The following STRN4 variants were observed in gnomAD, a reference collection of about 807,000 sequenced individuals.
The protein encoded by STRN4 is striatin-4.
A neutral mutation model predicts 77.9 loss-of-function variants in STRN4; 27 were observed. The ratio of observed to expected loss-of-function variants is 0.35; its 90% CI spans 0.26 to 0.48. The LOEUF (loss-of-function observed/expected upper bound fraction) is 0.48. Among genes scored for constraint, STRN4 ranks in the 20% least tolerant of loss-of-function variants. The pLI is 0.99. For missense variants in STRN4, 798 were observed against 1,049.7 expected, an observed-to-expected ratio of 0.76 and a Z score of 3.31; for synonymous variants, 466 against 443.1, an observed-to-expected ratio of 1.05 and a Z score of -0.65.
At chr19:46,745,931 C>T in intron 1 of STRN4, 1 of 473,306 alleles carries the variant, frequency 2.1e-6, no homozygotes, top group Admixed American at 4.7e-5. Context: ...CCTCCACTCC[C>T]ACCTCGGGCC....
chr19:46,739,978 CA>C (rs1393887946), intron 1 of STRN4, among the ~76,000 whole-genome samples: 1 of 152,192 alleles, frequency 6.6e-6, no homozygotes, highest in Non-Finnish European at 1.5e-5. Context: ...TTGGAGACCC[CA>C]GATCAACTAG....
chr19:46,733,146 G>T lies in STRN4; in HGVS notation c.630C>A (p.Asn210Lys), dbSNP rs146403716. 1 of 1,612,310 alleles carries T rather than the reference G, an allele frequency of 6.2e-7. No individual in the cohort carries two copies. The highest frequency in any genetic ancestry group is 1.1e-5 in the South Asian group (1 of 91,080). The change falls in exon 5 of 18, where the codon AAC becomes AAA. Residue 210 changes from asparagine to lysine, a missense_variant. Coordinates refer to ENST00000263280, the MANE Select transcript of STRN4 (RefSeq NM_013403.3). This position sits in a 1 kb window ranked among gnomAD's most constrained non-coding sequence, Gnocchi z 4.3. The part of the protein sequence containing the change: ...RSLLGRSLEL[N>K]GAVEPSEGAP... ...CCCCTTCACTCGGCTCCACTGCCCC[G>T]TTGAGCTCCAGCGAGCGGCCCAGCA... is the stretch of plus-strand genomic sequence containing the variant.
At chr19:46,730,210 T>G (rs2054216683) in intron 6 of STRN4, among the ~76,000 whole-genome samples, 1 of 152,190 alleles carries the variant, frequency 6.6e-6, no homozygotes, top group Admixed American at 6.5e-5. Flanking sequence ...CACACCACTC[T>G]ACTTGGGGTG....
At position 46,738,903 on chromosome 19, in the gene STRN4, A is replaced by C. The variant is rs2054422289; in HGVS notation, c.283-15T>G. On this transcript the variant is annotated splice_polypyrimidine_tract_variant and intron_variant, in intron 1 of 17. Transcript: ENST00000263280. The surrounding 1 kb of genome is among the most constrained non-coding windows in gnomAD (Gnocchi z 4.5). ...GCCACCTGAGCCTGGGAGGGCAGAC[A>C]GGAGGCAAAGGGAGATAATGGGGCT... The C allele has an allele frequency of 1.2e-6, 2 of 1,609,064 alleles. No homozygotes were observed. The highest frequency in any genetic ancestry group is 2.2e-5 in the South Asian group (2 of 91,000).
intron 1 of STRN4, among the ~76,000 whole-genome samples, chr19:46,745,280 G>T (rs2054559835): frequency 6.6e-6 from 1 of 152,026 alleles, no homozygotes. Flanking sequence ...CCCCCAAAGT[G>T]GAACTTCCAC....
intron 9 of STRN4, among the ~76,000 whole-genome samples, chr19:46,726,665 G>T (rs940897197): frequency 6.6e-6 from 1 of 152,122 alleles, no homozygotes; most frequent in Non-Finnish European, 1.5e-5. Flanking sequence ...CCCAGCAGGG[G>T]ACCCGGAGAG....
chr19:46,724,732 G>A (rs763855205), intron 12 of STRN4, 75 bp downstream of exon 12: 19 of 1,602,118 alleles, frequency 1.2e-5, no homozygotes, highest in Admixed American at 1.0e-4. Context: ...AGAGGTGGAC[G>A]CGACGTGTGT....
In STRN4 at chr19:46,722,486, C is replaced by T. The variant is rs2054001865; in HGVS notation, c.1907-146G>A. 2.2e-5 allele frequency: 19 copies of T among 882,632 alleles called. No individual in the cohort carries two copies. The South Asian group carries it at 2.8e-4, about 13-fold the overall frequency. The allele number at this position is 882,632 out of a possible 1,614,324, so 54.7% of individuals were successfully genotyped here. On this transcript the variant is annotated intron_variant, in intron 14 of 17. Transcript: ENST00000263280. ...TGGGCGAGGGCACTCCGGTCCCCGA[C>T]CGCAGCGCTGGTTCTGCACAAGCAG...
chr19:46,738,013 T>C lies in STRN4; in HGVS notation c.460+151A>G, dbSNP rs1477348872. 2 of 779,406 alleles carry C rather than the reference T, an allele frequency of 2.6e-6. No individual in the cohort carries two copies. The highest frequency in any genetic ancestry group is 4.3e-6 in the Non-Finnish European group (2 of 460,898). 48.3% of individuals were successfully genotyped at this position (779,406 alleles called of 1,614,324 possible). Reference sequence around the variant, plus strand: ...ACCTGGCAGCCCATAGGGAGGGCTCTGAGAGTGAGATTCCGCCCCTCCCCA... The same window carrying C: ...ACCTGGCAGCCCATAGGGAGGGCTCCGAGAGTGAGATTCCGCCCCTCCCCA... On this transcript the variant is annotated intron_variant, in intron 3 of 17. Coordinates refer to ENST00000263280, the MANE Select transcript of STRN4 (RefSeq NM_013403.3). The surrounding 1 kb of genome is among the most constrained non-coding windows in gnomAD (Gnocchi z 4.5).
In STRN4 at chr19:46,733,704, G is replaced by C. The variant is rs912582391; in HGVS notation, c.540-468C>G. ...TTACACCACACGCAAACACACGTTTGTATTATGTCCCCCAAGAGGCCTAGA... is the reference window on the plus strand; with the variant it reads ...TTACACCACACGCAAACACACGTTTCTATTATGTCCCCCAAGAGGCCTAGA... On this transcript the variant is annotated intron_variant, in intron 4 of 17. Transcript: ENST00000263280. The surrounding 1 kb of genome is among the most constrained non-coding windows in gnomAD (Gnocchi z 4.3). 79 of 158,072 alleles carry C rather than the reference G, an allele frequency of 5.0e-4. No homozygotes were observed. The highest frequency in any genetic ancestry group is 1.7e-3 in the Admixed American group (28 of 16,086). 9.8% of individuals were successfully genotyped at this position (158,072 alleles called of 1,614,324 possible).
At chr19:46,744,647 A>G (rs2054540794) in intron 1 of STRN4, among the ~76,000 whole-genome samples, 2 of 152,028 alleles carry the variant, frequency 1.3e-5, no homozygotes, top group African/African-American at 4.8e-5. Flanking sequence ...AACCTCCCCA[A>G]GTGTTGGGAT....
rs974357985 is a variant in STRN4, at chr19:46,722,536, G to A, written c.1907-196C>T. On this transcript the variant is annotated intron_variant, in intron 14 of 17. Coordinates refer to ENST00000263280, the MANE Select transcript of STRN4 (RefSeq NM_013403.3). ...GCCCCTGGGCCCTGTTTTGGGGCGG[G>A]GGAAGAGGAATAACAAACATGAACA... Among the ~76,000 whole-genome samples, 4 of 152,322 alleles carry A rather than the reference G, an allele frequency of 2.6e-5. No individual in the cohort carries two copies. In the South Asian group the frequency reaches 8.3e-4, roughly 32 times the overall value.
chr19:46,728,368 T>C, intron 7 of STRN4: 1 of 599,390 alleles, frequency 1.7e-6, no homozygotes, highest in East Asian at 2.9e-5. Flanking sequence ...ACGCCCGCCC[T>C]GGAGGGCTGG....
rs538487169 is a variant in STRN4 at position 46,746,446 on chromosome 19, G to T, written c.-16C>A. On this transcript the variant is annotated 5_prime_UTR_variant, in exon 1 of 18. Transcript: ENST00000263280. ...CCTCCATCATGGAGGCCCCGGGGCC[G>T]GCCTGCGCGCCCGCTGTGCCTCGCG... 1.0e-6 allele frequency: 1 copy of T among 1,004,468 alleles called. No individual in the cohort carries two copies. The highest frequency in any genetic ancestry group is 4.6e-5 in the South Asian group (1 of 21,852). The allele number at this position is 1,004,468 out of a possible 1,614,324, so 62.2% of individuals were successfully genotyped here.
In STRN4 at chr19:46,738,922, T is replaced by C. The variant is rs890600157; in HGVS notation, c.283-34A>G. 1.3e-6 allele frequency: 2 copies of C among 1,586,444 alleles called. No homozygotes were observed. Among genetic ancestry groups the C allele is most frequent in the Non-Finnish European group, 1.7e-6 (2 of 1,157,482 alleles). On this transcript the variant is annotated intron_variant, in intron 1 of 17. Transcript: ENST00000263280. The surrounding 1 kb of genome is among the most constrained non-coding windows in gnomAD (Gnocchi z 4.5). ...GCAGACAGGAGGCAAAGGGAGATAA[T>C]GGGGCTCAGGCTCAATGCCGGTGTG...
At position 46,741,393 on chromosome 19, in the gene STRN4, T is replaced by C. The variant is rs2054470905; in HGVS notation, c.283-2505A>G. ...CTAATGAGGATGTGAGGGTCTCAGCTGCCCACTCTGCTTTGCTGTCCCTTT... is the reference window on the plus strand; with the variant it reads ...CTAATGAGGATGTGAGGGTCTCAGCCGCCCACTCTGCTTTGCTGTCCCTTT... On this transcript the variant is annotated intron_variant, in intron 1 of 17. Coordinates refer to ENST00000263280, the MANE Select transcript of STRN4 (RefSeq NM_013403.3). This position sits in a 1 kb window ranked among gnomAD's most constrained non-coding sequence, Gnocchi z 4.9. 6.6e-6 allele frequency among the ~76,000 whole-genome samples: 1 copy of C among 152,198 alleles called. No individual in the cohort carries two copies.
rs1240251246 is a variant in STRN4, at chr19:46,723,396, C to T, written c.1595-112G>A. 1.9e-5 allele frequency: 25 copies of T among 1,341,346 alleles called. No homozygotes were observed. Among genetic ancestry groups the T allele is most frequent in the African/African-American group, 4.4e-5 (3 of 67,946 alleles). The allele number at this position is 1,341,346 out of a possible 1,614,324, so 83.1% of individuals were successfully genotyped here. A position where few individuals can be genotyped will look rare whatever the true frequency, so the allele number is the denominator to read the frequency against. ...CAGGCAGCTGGGCTCCAATCACCCA[C>T]GCACCCACTTCACACCTGGTGCCCC... On this transcript the variant is annotated intron_variant, in intron 12 of 17. Coordinates refer to ENST00000263280, the MANE Select transcript of STRN4 (RefSeq NM_013403.3). This position sits in a 1 kb window ranked among gnomAD's most constrained non-coding sequence, Gnocchi z 5.5.
Position 46,723,042 on chromosome 19 carries a change from TCAG to T in STRN4, c.1765+69_1765+71del. On this transcript the variant is annotated intron_variant, in intron 13 of 17. Coordinates refer to ENST00000263280, the MANE Select transcript of STRN4 (RefSeq NM_013403.3). This position sits in a 1 kb window ranked among gnomAD's most constrained non-coding sequence, Gnocchi z 5.5. ...GACAGTGGGTGGGAGGCCTGGGGCC[TCAG>T]CAGGAACCACTCTGATAGCCTCCAG... 6.3e-7 allele frequency: 1 copy of T among 1,583,370 alleles called. No homozygotes were observed. The highest frequency in any genetic ancestry group is 8.6e-7 in the Non-Finnish European group (1 of 1,163,506).
At chr19:46,728,825 G>A (rs1313341534) in intron 6 of STRN4, 48 bp from the exon 7 acceptor site, 4 of 1,604,146 alleles carry the variant, frequency 2.5e-6, no homozygotes, top group African/African-American at 1.3e-5. Flanking sequence ...CTTGTCCAGA[G>A]ACTAAGCCAC....
Sources: allele counts gnomAD v4.1 joint callset (sites outside exome capture counted in the v4.1 genomes callset), GRCh38; gene constraint gnomAD v4.1.1; non-coding constraint Gnocchi (gnomAD v3.1); transcripts MANE v1.5; gene names NCBI Gene and HGNC (gene_info 2026-07-23, HGNC 2026-07-21).